RTEL1: variants seen among roughly 807,000 people sequenced by gnomAD.
RTEL1 encodes the protein regulator of telomere length.
RTEL1 carries 86 observed loss-of-function variants against 162.2 expected under a neutral mutation model. The observed-to-expected ratio is 0.53, with a 90% CI of 0.45 to 0.63. The LOEUF is 0.63. Ranked by LOEUF, RTEL1 falls within the 30% of genes least tolerant of loss-of-function variation. The pLI, the probability that RTEL1 is intolerant of heterozygous loss-of-function variation, is 0.00. For missense variants in RTEL1, 1,941 were observed against 1,750.2 expected, an observed-to-expected ratio of 1.11 and a Z score of -1.95; for synonymous variants, 958 against 717.9, an observed-to-expected ratio of 1.33 and a Z score of -5.35.
At chr20:63,690,717 A>C (rs1601173052) in intron 26 of RTEL1, 88 bp from the exon 27 acceptor site, 2 of 1,425,892 alleles carry the variant, frequency 1.4e-6, no homozygotes, top group East Asian at 2.5e-5. Flanking sequence ...AAGTGCTGGG[A>C]CTCTCCCCCA....
At chr20:63,667,951 A>AGCATGTG (rs1351728603) in intron 8 of RTEL1, among the ~76,000 whole-genome samples, 1 of 105,658 alleles carries the variant, frequency 9.5e-6, no homozygotes, top group Non-Finnish European at 2.0e-5. Context: ...TCCCCCTCCC[A>AGCATGTG]GCATGTGCCC....
intron 31 of RTEL1, 53 bp from the exon 32 acceptor site, chr20:63,694,688 A>G: frequency 6.9e-7 from 1 of 1,446,666 alleles, no homozygotes; most frequent in Non-Finnish European, 9.4e-7. Flanking sequence ...GGGCGGTGGG[A>G]CTCTCAGTCC....
chr20:63,688,748 T>C (rs1386408071), intron 21 of RTEL1, 143 bp downstream of exon 21: 2 of 715,672 alleles, frequency 2.8e-6, no homozygotes, highest in African/African-American at 3.6e-5. Flanking sequence ...GTTTCCTTCC[T>C]GGCCCTGAGT....
At chr20:63,659,105 C>T (rs1370100973) in intron 1 of RTEL1, 128 bp from the exon 2 acceptor site, 2 of 349,998 alleles carry the variant, frequency 5.7e-6, no homozygotes, top group Non-Finnish European at 1.1e-5. Context: ...CCCGCCAGCT[C>T]CTCGAGATGG....
At chr20:63,693,812 A>G (rs955616653) in intron 30 of RTEL1, among the ~76,000 whole-genome samples, 1 of 129,294 alleles carries the variant, frequency 7.7e-6, no homozygotes. Flanking sequence ...AACTCCATGC[A>G]CAGCCCTGTC....
chr20:63,686,406 C>A, intron 16 of RTEL1: 1 of 160,928 alleles, frequency 6.2e-6, no homozygotes, highest in Non-Finnish European at 1.4e-5. Flanking sequence ...GTGAGTGTGC[C>A]CTCGGCTCCG....
At chr20:63,692,769 C>T (rs1322596188) in intron 28 of RTEL1, 36 bp from the exon 29 acceptor site, 2 of 1,590,912 alleles carry the variant, frequency 1.3e-6, no homozygotes, top group South Asian at 1.1e-5. Context: ...GATGATGAGG[C>T]TGGCCCTGAT....
chr20:63,680,072 C>T (rs1046257627), intron 13 of RTEL1, 126 bp downstream of exon 13: 5 of 656,058 alleles, frequency 7.6e-6, no homozygotes, highest in Admixed American at 5.6e-5. Context: ...GCCCACAGAA[C>T]CTCATCTTCT....
At chr20:63,666,567 G>A (rs760492602) in intron 7 of RTEL1, among the ~76,000 whole-genome samples, 1 of 152,106 alleles carries the variant, frequency 6.6e-6, no homozygotes, top group Non-Finnish European at 1.5e-5. Flanking sequence ...ACAGGGTCTC[G>A]CTCTGCTACC....
intron 10 of RTEL1, among the ~76,000 whole-genome samples, chr20:63,675,034 A>C (rs1346570095): frequency 2.6e-5 from 4 of 152,004 alleles, no homozygotes; most frequent in African/African-American, 4.8e-5. Flanking sequence ...CAGCCTCCCA[A>C]GTAGCTGGGA....
rs576255892 is a variant in RTEL1 at position 63,669,020 on chromosome 20, G to C, written c.699+1467G>C. ...TTTTTTTCAGTTGGAATCTCACTCT[G>C]TCACCCAGGTTGGAGTGCAGTGGCA... On this transcript the variant is annotated intron_variant, in intron 8 of 34. Transcript: ENST00000360203. 3.9e-5 allele frequency among the ~76,000 whole-genome samples: 6 copies of C among 152,088 alleles called. 1 individual carries two copies. The highest frequency in any genetic ancestry group is 3.3e-4 in the Admixed American group (5 of 15,262).
chr20:63,664,400 G>A (rs1419935565), intron 6 of RTEL1, among the ~76,000 whole-genome samples: 1 of 152,156 alleles, frequency 6.6e-6, no homozygotes, highest in Non-Finnish European at 1.5e-5. Context: ...CCCGGTGGCT[G>A]CTGGGCCTGG....
chr20:63,693,322 T>G, intron 30 of RTEL1, 39 bp downstream of exon 30: 2 of 1,608,100 alleles, frequency 1.2e-6, no homozygotes, highest in Non-Finnish European at 1.7e-6. Flanking sequence ...GACTCCTGCG[T>G]GGAAGGCAGT....
In RTEL1 at chr20:63,695,422, G is replaced by C. The variant is rs1440306935; in HGVS notation, c.3594G>C (p.Glu1198Asp). 2.6e-6 allele frequency: 4 copies of C among 1,564,618 alleles called. No individual in the cohort carries two copies. The highest frequency in any genetic ancestry group is 2.7e-5 in the African/African-American group (2 of 73,892). The change falls in exon 34 of 35, where the codon GAG (glutamate) becomes GAC (aspartate). Residue 1198 changes from glutamate to aspartate, a missense_variant. Coordinates refer to ENST00000360203, the MANE Select transcript of RTEL1 (RefSeq NM_001283009.2). Reference sequence around the variant, plus strand: ...CAGGGACTGTGGGGGCGGGCGGTGAGGATGCAGGTCCCAGCCAGTCCTCAG... The same window carrying C: ...CAGGGACTGTGGGGGCGGGCGGTGACGATGCAGGTCCCAGCCAGTCCTCAG... ...RPAGTVGAGG[E>D]DAGPSQSSGP...
intron 24 of RTEL1, 65 bp downstream of exon 24, chr20:63,689,930 ACT>A (rs1056221432): frequency 3.5e-5 from 55 of 1,557,324 alleles, no homozygotes; most frequent in Non-Finnish European, 4.5e-5. Context: ...GGGCCCCTGG[ACT>A]CTCCTTCCCC....
At chr20:63,663,072 C>A in intron 6 of RTEL1, 183 bp downstream of exon 6, 1 of 647,392 alleles carries the variant, frequency 1.5e-6, no homozygotes. Flanking sequence ...AGAGCTCACA[C>A]AGTGGTCTGA....
intron 6 of RTEL1, among the ~76,000 whole-genome samples, chr20:63,664,549 C>T (rs1392647148): frequency 1.3e-5 from 2 of 152,210 alleles, no homozygotes; most frequent in African/African-American, 2.4e-5. Flanking sequence ...CTGTCTCCTC[C>T]TCCAGGCCTG....
In RTEL1 at chr20:63,688,034, TC is replaced by T. The variant is rs1786494699; in HGVS notation, c.1581del (p.Ala528ArgfsTer30). Reference protein sequence around the residue: ...PRGPDGAQLSSAFDRRFSEEC... With the variant: ...PRGPDGAQLSXAFDRRFSEEC... ...AGGCCCCGATGGAGCCCAGTTGAGC[TC>T]CGCGTTTGACAGACGGTGAGGGCCT... On this transcript the variant is annotated frameshift_variant, in exon 18 of 35. Transcript: ENST00000360203. LOFTEE classifies it high-confidence loss of function. 1 of 1,612,554 alleles carries T rather than the reference TC, an allele frequency of 6.2e-7. No homozygotes were observed. Among genetic ancestry groups the T allele is most frequent in the Non-Finnish European group, 8.5e-7 (1 of 1,179,954 alleles).
chr20:63,674,074 C>T lies in RTEL1; in HGVS notation c.900C>T (p.Ser300=), dbSNP rs146100165. 6.8e-5 allele frequency: 110 copies of T among 1,612,458 alleles called. 1 individual carries two copies. The highest frequency in any genetic ancestry group is 8.6e-5 in the Non-Finnish European group (102 of 1,179,542). Reference sequence around the variant, plus strand: ...AGGGTGAGCCCCACCCGGAGTTCAGCGCGGACTCCCCCAGCCCAGGTGCGT... The same window carrying T: ...AGGGTGAGCCCCACCCGGAGTTCAGTGCGGACTCCCCCAGCCCAGGTGCGT... The part of the protein sequence containing the change: ...AQQGEPHPEF[S]ADSPSPGLNM... Residue 300 remains serine, a synonymous_variant, in exon 10 of 35, where the codon AGC becomes AGT. Transcript: ENST00000360203.
Sources: allele counts gnomAD v4.1 joint callset (sites outside exome capture counted in the v4.1 genomes callset), GRCh38; gene constraint gnomAD v4.1.1; transcripts MANE v1.5; gene names NCBI Gene and HGNC (gene_info 2026-07-23, HGNC 2026-07-21).